Variants in CWF19L2 observed in about 807,000 individuals in gnomAD.
CWF19L2 encodes the protein CWF19 like cell cycle control factor 2.
In CWF19L2, 98 loss-of-function variants were observed where a neutral mutation model predicts 111.7. That is an observed-to-expected ratio of 0.88 (90% CI 0.75 to 1.04). The LOEUF (loss-of-function observed/expected upper bound fraction) is 1.04, where lower values mean the gene tolerates loss of function less well. Ranked by LOEUF, CWF19L2 falls within the 50% of genes least tolerant of loss-of-function variation. The pLI is 0.00. For missense variants in CWF19L2, 1,101 were observed against 1,051.4 expected, an observed-to-expected ratio of 1.05 and a Z score of -0.65; for synonymous variants, 351 against 342.9, an observed-to-expected ratio of 1.02 and a Z score of -0.26.
intron 12 of CWF19L2, among the ~76,000 whole-genome samples, chr11:107,372,025 T>A (rs1201360028): frequency 1.5e-5 from 2 of 136,794 alleles, no homozygotes; most frequent in African/African-American, 5.9e-5. Context: ...GGCAATTTTG[T>A]ATAATAGTGA....
intron 7 of CWF19L2, among the ~76,000 whole-genome samples, chr11:107,430,266 G>C (rs897184906): frequency 6.6e-6 from 1 of 151,186 alleles, no homozygotes; most frequent in African/African-American, 2.4e-5. Context: ...ATAAGTGTGA[G>C]CCTGTATATG....
At chr11:107,348,901 A>G (rs1368378411) in intron 14 of CWF19L2, 36 bp downstream of exon 14, 2 of 1,227,302 alleles carry the variant, frequency 1.6e-6, no homozygotes, top group Non-Finnish European at 1.2e-6. Context: ...ATTGCTCATG[A>G]GTTTTAAAAT....
chr11:107,437,171 T>C (rs1335708209), intron 6 of CWF19L2, among the ~76,000 whole-genome samples: 1 of 152,132 alleles, frequency 6.6e-6, no homozygotes, highest in Non-Finnish European at 1.5e-5. Context: ...CATTATTGAG[T>C]AGTCACCATA....
At chr11:107,336,969 A>C (rs886451024) in intron 14 of CWF19L2, among the ~76,000 whole-genome samples, 1 of 152,246 alleles carries the variant, frequency 6.6e-6, no homozygotes, top group Non-Finnish European at 1.5e-5. Flanking sequence ...TATTAGAAAT[A>C]GTTTCAGTAA....
rs878959840 is a variant in CWF19L2 at position 107,389,978 on chromosome 11, G to C, written c.1872+96C>G. On this transcript the variant is annotated intron_variant, in intron 12 of 17. Coordinates refer to ENST00000282251, the MANE Select transcript of CWF19L2 (RefSeq NM_152434.3). Reference sequence around the variant, plus strand: ...GATTTAATTTAATAAAATGAATCAAGATTAGAGAGAACCAGATCTCTCCAA... The same window carrying C: ...GATTTAATTTAATAAAATGAATCAACATTAGAGAGAACCAGATCTCTCCAA... 59 of 1,032,120 alleles carry C rather than the reference G, an allele frequency of 5.7e-5. No homozygotes were observed. The South Asian group carries it at 7.4e-4, about 13-fold the overall frequency. The allele number at this position is 1,032,120 out of a possible 1,614,324, so 63.9% of individuals were successfully genotyped here. A position where few individuals can be genotyped will look rare whatever the true frequency, so the allele number is the denominator to read the frequency against.
At chr11:107,424,455 TA>T (rs34856316) in intron 8 of CWF19L2, among the ~76,000 whole-genome samples, 7,350 of 146,102 alleles carry the variant, frequency 0.05, 236 homozygotes, top group East Asian at 0.11. Flanking sequence ...CCTTTTATAA[TA>T]AAAAAAAAAA....
intron 12 of CWF19L2, among the ~76,000 whole-genome samples, chr11:107,355,439 GCAA>G (rs10586415): frequency 0.018 from 2,647 of 149,800 alleles, 57 homozygotes; most frequent in African/African-American, 0.06. Flanking sequence ...ACAAACAAAA[GCAA>G]CAACAACAAC....
chr11:107,373,122 C>A (rs1413432624), intron 12 of CWF19L2, among the ~76,000 whole-genome samples: 1 of 45,592 alleles, frequency 2.2e-5, no homozygotes, highest in African/African-American at 2.4e-4. Context: ...GAGGGTCCTA[C>A]GCCCACGGAG....
At chr11:107,393,865 G>A (rs1860884202) in intron 10 of CWF19L2, among the ~76,000 whole-genome samples, 1 of 152,074 alleles carries the variant, frequency 6.6e-6, no homozygotes, top group African/African-American at 2.4e-5. Flanking sequence ...AATAGACACT[G>A]TAGTCTCCAA....
chr11:107,428,947 T>C lies in CWF19L2; in HGVS notation c.1285A>G (p.Lys429Glu). 6.2e-7 allele frequency: 1 copy of C among 1,613,794 alleles called. No individual in the cohort carries two copies. Among genetic ancestry groups the C allele is most frequent in the Non-Finnish European group, 8.5e-7 (1 of 1,179,802 alleles). ...TCCGATGGCTTTTGATTTGAATGTT[T>C]CTTGTCTCCTCTCCCATCAGAGCGA... ...WSRSDGRGDK[K>E]HSNQKPSETS... Residue 429 changes from lysine (K) to glutamate (E), a missense_variant, in exon 8 of 18, where the codon AAA (lysine) becomes GAA (glutamate). Lys to Glu is a moderately conservative substitution (Grantham distance 56). Coordinates refer to ENST00000282251, the MANE Select transcript of CWF19L2 (RefSeq NM_152434.3).
In CWF19L2 at chr11:107,416,253, AT is replaced by A; in HGVS notation, c.1572del (p.Lys524AsnfsTer6). 1 of 1,488,652 alleles carries A rather than the reference AT, an allele frequency of 6.7e-7. No homozygotes were observed. 92.2% of individuals were successfully genotyped at this position (1,488,652 alleles called of 1,614,324 possible). On this transcript the variant is annotated frameshift_variant, in exon 10 of 18. Coordinates refer to ENST00000282251, the MANE Select transcript of CWF19L2 (RefSeq NM_152434.3). LOFTEE classifies it high-confidence loss of function. ...GGTATCTGTGTTATAGTTTCTTTGA[AT>A]TTATTTGCCTTTTCAAGTTGAACTT... is the stretch of plus-strand genomic sequence containing the variant. ...QLKVQLEKAN[K>X]FKETITQIPK...
chr11:107,397,036 C>G (rs1482409527), intron 10 of CWF19L2, among the ~76,000 whole-genome samples: 2 of 152,120 alleles, frequency 1.3e-5, no homozygotes, highest in Admixed American at 6.5e-5. Flanking sequence ...CCCCAAACAG[C>G]CCGTTCCTGC....
intron 16 of CWF19L2, among the ~76,000 whole-genome samples, chr11:107,333,087 C>CT (rs1314466107): frequency 7.3e-4 from 40 of 54,758 alleles, no homozygotes; most frequent in African/African-American, 4.2e-3. Context: ...TAGACTCTGT[C>CT]TAAAAAAAAA....
At chr11:107,394,160 C>T (rs1307907849) in intron 10 of CWF19L2, among the ~76,000 whole-genome samples, 1 of 152,058 alleles carries the variant, frequency 6.6e-6, no homozygotes, top group African/African-American at 2.4e-5. Context: ...ATCCCAATTC[C>T]ATTTAATAGA....
intron 14 of CWF19L2, 94 bp from the exon 15 acceptor site, chr11:107,336,807 A>G (rs554476949): frequency 2.9e-6 from 2 of 689,536 alleles, no homozygotes; most frequent in African/African-American, 1.9e-5. Flanking sequence ...ACTTTAATAA[A>G]AAAGTACAAA....
chr11:107,337,933 C>CT (rs1051301519), intron 14 of CWF19L2, among the ~76,000 whole-genome samples: 81 of 139,386 alleles, frequency 5.8e-4, no homozygotes, highest in African/African-American at 2.1e-3. Flanking sequence ...ACTCAGTTTC[C>CT]CCAAGGTAAC....
chr11:107,360,333 T>G (rs1427355942), intron 12 of CWF19L2, among the ~76,000 whole-genome samples: 3 of 152,240 alleles, frequency 2.0e-5, no homozygotes, highest in African/African-American at 7.2e-5. Context: ...TTCTTATGGG[T>G]GAATAGTATT....
rs1422133399 is a variant in CWF19L2, at chr11:107,330,009, C to T, written c.2450G>A (p.Gly817Glu). 6.4e-7 allele frequency: 1 copy of T among 1,560,260 alleles called. No homozygotes were observed. The highest frequency in any genetic ancestry group is 8.7e-7 in the Non-Finnish European group (1 of 1,153,490). ...AAAATCCACAGAGAAGTAAGGTAACCCTCTGGGTACCTAAATAAACAGACA... is the reference window on the plus strand; with the variant it reads ...AAAATCCACAGAGAAGTAAGGTAACTCTCTGGGTACCTAAATAAACAGACA... The part of the protein sequence containing the change: ...SKDIRKSVPR[G>E]LPYFSVDFGL... The change falls in exon 17 of 18, where the codon GGG (glycine) becomes GAG (glutamate). Residue 817 changes from glycine to glutamate, a missense_variant. Physicochemically the swap from Gly to Glu is moderately conservative, Grantham distance 98. Transcript: ENST00000282251.
chr11:107,396,036 G>A (rs771014353), intron 10 of CWF19L2, among the ~76,000 whole-genome samples: 8 of 152,080 alleles, frequency 5.3e-5, no homozygotes, highest in Non-Finnish European at 1.0e-4. Context: ...CCAACTTTCT[G>A]TTCCTTAGGA....
Sources: gnomAD v4.1 joint callset for allele counts (sites outside exome capture counted in the v4.1 genomes callset) on GRCh38, gnomAD v4.1.1 for gene constraint, MANE v1.5 for transcripts, NCBI Gene and HGNC (gene_info 2026-07-23, HGNC 2026-07-21) for gene names.